PAX3: variants seen among roughly 807,000 people sequenced by gnomAD.
The protein encoded by PAX3 is paired box 3.
In PAX3, 14 loss-of-function variants were observed where a neutral mutation model predicts 51.6. The observed-to-expected ratio is 0.27, with a 90% CI of 0.18 to 0.42. PAX3 has a LOEUF of 0.42. PAX3 is among the 10% of genes least tolerant of loss of function. The pLI is 1.00. For missense variants in PAX3, 540 were observed against 642.8 expected (o/e 0.84, Z 1.73); for synonymous variants, 280 against 253.4 (o/e 1.11, Z -1.00).
Position 222,201,032 on chromosome 2 carries a change from A to AATAC in PAX3, c.*372_*375dup. 5.8e-6 allele frequency: 5 copies of AATAC among 859,366 alleles called. No individual in the cohort carries two copies. In the South Asian group the frequency reaches 8.0e-5, roughly 14 times the overall value. The allele number at this position is 859,366 out of a possible 1,614,324, so 53.2% of individuals were successfully genotyped here. Reference sequence around the variant, plus strand: ...GCCCAAACCAGTCTGGGTAAATCTCAATACACACACACACACACACACGCA... The same window carrying AATAC: ...GCCCAAACCAGTCTGGGTAAATCTCAATACATACACACACACACACACACACGCA... On this transcript the variant is annotated 3_prime_UTR_variant, in exon 9 of 9. Coordinates refer to ENST00000392070, the MANE Select transcript of PAX3 (RefSeq NM_181458.4).
chr2:222,281,251 G>C (rs911542217), intron 4 of PAX3, among the ~76,000 whole-genome samples: 3 of 152,218 alleles, frequency 2.0e-5, no homozygotes, highest in African/African-American at 7.2e-5. Context: ...TGGTCTCAGA[G>C]GGTGTTTTAG....
intron 4 of PAX3, among the ~76,000 whole-genome samples, chr2:222,289,213 T>C (rs1247937097): frequency 1.3e-5 from 2 of 152,216 alleles, no homozygotes; most frequent in Admixed American, 1.3e-4. Context: ...CGTAAAACAT[T>C]TTCTGTTCCA....
chr2:222,293,877 CT>C, intron 4 of PAX3: 1 of 1,607,242 alleles, frequency 6.2e-7, no homozygotes, highest in East Asian at 2.2e-5. Context: ...AGAGCTTCCC[CT>C]GCCCCCTACA....
At chr2:222,232,339 A>G in intron 4 of PAX3, 56 bp from the exon 5 acceptor site, 2 of 1,488,496 alleles carry the variant, frequency 1.3e-6, no homozygotes, top group South Asian at 2.3e-5. Flanking sequence ...AATAAAACTG[A>G]GATTGAATCC....
intron 4 of PAX3, among the ~76,000 whole-genome samples, chr2:222,250,066 C>G (rs192362712): frequency 9.9e-5 from 15 of 152,124 alleles, no homozygotes; most frequent in African/African-American, 3.4e-4. Flanking sequence ...TGCTTTATGT[C>G]CTACCCTTAA....
At chr2:222,230,717 T>C (rs933579046) in intron 5 of PAX3, among the ~76,000 whole-genome samples, 3 of 151,928 alleles carry the variant, frequency 2.0e-5, no homozygotes, top group African/African-American at 7.3e-5. Context: ...GAGCCGGGCC[T>C]GGTGGCAAGC....
At chr2:222,269,347 C>T (rs1269817095) in intron 4 of PAX3, among the ~76,000 whole-genome samples, 3 of 152,094 alleles carry the variant, frequency 2.0e-5, no homozygotes, top group Admixed American at 6.5e-5. Flanking sequence ...AAAGATGGCC[C>T]GCATTCTTTA....
chr2:222,238,845 T>C (rs530992062), intron 4 of PAX3, among the ~76,000 whole-genome samples: 1 of 152,352 alleles, frequency 6.6e-6, no homozygotes, highest in South Asian at 2.1e-4. Flanking sequence ...TTCACAAGTA[T>C]ATTCCAGAAG....
chr2:222,298,948 G>A lies in PAX3; in HGVS notation c.-333C>T, dbSNP rs1695463628. On this transcript the variant is annotated 5_prime_UTR_variant, in exon 1 of 9. Coordinates refer to ENST00000392070, the MANE Select transcript of PAX3 (RefSeq NM_181458.4). ...GCCACGGCGAGCCGGGGAGCCTGGTGAGGCTGGAGCGCGGCCTGCCTGAGT... is the reference window on the plus strand; with the variant it reads ...GCCACGGCGAGCCGGGGAGCCTGGTAAGGCTGGAGCGCGGCCTGCCTGAGT... 1 of 475,290 alleles carries A rather than the reference G, an allele frequency of 2.1e-6. No individual in the cohort carries two copies. Among genetic ancestry groups the A allele is most frequent in the Non-Finnish European group, 3.8e-6 (1 of 260,556 alleles). The allele number at this position is 475,290 out of a possible 1,614,324, so 29.4% of individuals were successfully genotyped here.
chr2:222,293,612 C>A, intron 4 of PAX3: 1 of 1,611,092 alleles, frequency 6.2e-7, no homozygotes, highest in Non-Finnish European at 8.5e-7. Flanking sequence ...ATTTGAAAAT[C>A]AACTTCAAAC....
At chr2:222,247,279 G>T (rs1693263196) in intron 4 of PAX3, among the ~76,000 whole-genome samples, 1 of 152,184 alleles carries the variant, frequency 6.6e-6, no homozygotes, top group African/African-American at 2.4e-5. Flanking sequence ...CCTCTGCACA[G>T]AGAGAGTGAC....
At chr2:222,217,366 T>C (rs1031495591) in intron 7 of PAX3, among the ~76,000 whole-genome samples, 7 of 152,150 alleles carry the variant, frequency 4.6e-5, no homozygotes, top group African/African-American at 1.7e-4. Context: ...TAAAACCTCC[T>C]GCATCTGTTT....
Position 222,201,661 on chromosome 2 carries a change from A to G in PAX3, c.1421-219T>C. Reference sequence around the variant, plus strand: ...ACCTCATTAAGAACATGTGTTTCTAATGTCAGGGATTATTTCATTTTGGCC... The same window carrying G: ...ACCTCATTAAGAACATGTGTTTCTAGTGTCAGGGATTATTTCATTTTGGCC... On this transcript the variant is annotated intron_variant, in intron 8 of 8. Transcript: ENST00000392070. 6 of 1,374,588 alleles carry G rather than the reference A, an allele frequency of 4.4e-6. No individual in the cohort carries two copies. In the South Asian group the frequency reaches 8.8e-5, roughly 20 times the overall value. 85.1% of individuals were successfully genotyped at this position (1,374,588 alleles called of 1,614,324 possible). A position where few individuals can be genotyped will look rare whatever the true frequency, so the allele number is the denominator to read the frequency against.
chr2:222,216,496 T>C (rs2106063652), intron 7 of PAX3, among the ~76,000 whole-genome samples: 1 of 152,276 alleles, frequency 6.6e-6, no homozygotes, highest in Admixed American at 6.5e-5. Flanking sequence ...GATCAGTCCA[T>C]TGCCAAGCTC....
Position 222,221,209 on chromosome 2 carries a change from T to C in PAX3, c.958+13A>G. ...GAAGTTACTTTCTAATCTCCTTGAC[T>C]CTTCCTCGGTACCTTGTGGAATAGA... On this transcript the variant is annotated intron_variant, in intron 6 of 8. Coordinates refer to ENST00000392070, the MANE Select transcript of PAX3 (RefSeq NM_181458.4). 2 of 1,613,624 alleles carry C rather than the reference T, an allele frequency of 1.2e-6. No individual in the cohort carries two copies. The highest frequency in any genetic ancestry group is 1.7e-6 in the Non-Finnish European group (2 of 1,179,584).
intron 2 of PAX3, among the ~76,000 whole-genome samples, chr2:222,295,964 C>T (rs530520820): frequency 1.8e-3 from 277 of 152,270 alleles, no homozygotes; most frequent in African/African-American, 6.5e-3. Context: ...TTTCTCATCC[C>T]TGGAAATAAG....
chr2:222,256,135 C>T (rs1013664587), intron 4 of PAX3, among the ~76,000 whole-genome samples: 1 of 151,960 alleles, frequency 6.6e-6, no homozygotes, highest in Non-Finnish European at 1.5e-5. Flanking sequence ...TTGTACCAAA[C>T]CCTGATCTTC....
chr2:222,203,802 C>A (rs1035929689), intron 7 of PAX3, among the ~76,000 whole-genome samples: 3 of 152,154 alleles, frequency 2.0e-5, no homozygotes, highest in Non-Finnish European at 4.4e-5. Flanking sequence ...CTTCAGCTGA[C>A]CCCAAAAGAC....
intron 7 of PAX3, among the ~76,000 whole-genome samples, chr2:222,207,412 C>T (rs1314026144): frequency 2.6e-5 from 4 of 152,184 alleles, no homozygotes; most frequent in Non-Finnish European, 5.9e-5. Flanking sequence ...CCTTCTCACC[C>T]ATCCTGAGAG....
Sources: gnomAD v4.1 joint callset for allele counts (sites outside exome capture counted in the v4.1 genomes callset) on GRCh38, gnomAD v4.1.1 for gene constraint, MANE v1.5 for transcripts, NCBI Gene and HGNC (gene_info 2026-07-23, HGNC 2026-07-21) for gene names.